RAB28: variants seen among roughly 807,000 people sequenced by gnomAD.
RAB28 encodes the protein RAB28, member RAS oncogene family, also known as ras-related protein Rab-28.
In RAB28, 24 loss-of-function variants were observed where a neutral mutation model predicts 31.7. The ratio of observed to expected loss-of-function variants is 0.76; its 90% CI spans 0.55 to 1.06. The LOEUF (loss-of-function observed/expected upper bound fraction) is 1.06, where lower values mean the gene tolerates loss of function less well. Ranked by LOEUF, RAB28 falls within the 50% of genes least tolerant of loss-of-function variation. The probability of loss-of-function intolerance (pLI) is 0.00; values close to 1 mark genes in which losing one functional copy is unlikely to be tolerated. For synonymous variants in RAB28, 100 were observed against 90.4 expected, an observed-to-expected ratio of 1.11 and a Z score of -0.60; for missense variants, 254 against 258.5, an observed-to-expected ratio of 0.98 and a Z score of 0.12.
At chr4:13,435,017 CAA>C (rs991889676) in intron 4 of RAB28, among the ~76,000 whole-genome samples, 4 of 47,040 alleles carry the variant, frequency 8.5e-5, no homozygotes, top group Non-Finnish European at 1.4e-4. Context: ...GACTCCGTCT[CAA>C]AAAAAAAAAA....
intron 4 of RAB28, among the ~76,000 whole-genome samples, chr4:13,452,638 G>T (rs1715033698): frequency 6.6e-6 from 1 of 151,980 alleles, no homozygotes; most frequent in Non-Finnish European, 1.5e-5. Flanking sequence ...TACTTGATAT[G>T]ATTTCAATTT....
At chr4:13,402,162 G>T (rs1329260077) in intron 4 of RAB28, among the ~76,000 whole-genome samples, 1 of 152,154 alleles carries the variant, frequency 6.6e-6, no homozygotes, top group East Asian at 1.9e-4. Context: ...GAAGAATATG[G>T]TCTATCTTGA....
At chr4:13,388,036 T>G (rs1729453415) in intron 4 of RAB28, among the ~76,000 whole-genome samples, 1 of 151,358 alleles carries the variant, frequency 6.6e-6, no homozygotes, top group Admixed American at 6.6e-5. Context: ...ATCACTATCA[T>G]TCAGTATTTT....
chr4:13,414,413 AAAG>A (rs1230493237), intron 4 of RAB28, among the ~76,000 whole-genome samples: 1 of 152,244 alleles, frequency 6.6e-6, no homozygotes, highest in Admixed American at 6.5e-5. Flanking sequence ...ACTGGGAATA[AAAG>A]AAGCAACACC....
intron 4 of RAB28, among the ~76,000 whole-genome samples, chr4:13,443,293 C>A (rs1207301062): frequency 1.3e-5 from 2 of 152,048 alleles, no homozygotes; most frequent in African/African-American, 4.8e-5. Flanking sequence ...CCTGCCTCAG[C>A]CTCCTGAGTA....
intron 3 of RAB28, among the ~76,000 whole-genome samples, chr4:13,467,386 T>G (rs1257803714): frequency 6.6e-6 from 1 of 151,418 alleles, no homozygotes; most frequent in African/African-American, 2.4e-5. Context: ...AAGGAAAAAA[T>G]GAAGATAACA....
At chr4:13,481,852 G>A (rs1716621784) in intron 1 of RAB28, among the ~76,000 whole-genome samples, 1 of 152,056 alleles carries the variant, frequency 6.6e-6, no homozygotes, top group Admixed American at 6.5e-5. Flanking sequence ...AAAGAGCCAA[G>A]AGTTAAATCA....
intron 4 of RAB28, among the ~76,000 whole-genome samples, chr4:13,387,748 T>A (rs944073230): frequency 5.9e-5 from 9 of 152,062 alleles, no homozygotes; most frequent in African/African-American, 9.7e-5. Context: ...ATTCTTCAAT[T>A]TCAAAAAAAA....
In RAB28 at chr4:13,474,424, A is replaced by T; in HGVS notation, c.173-18T>A. ...CAAGTTTCCTAGAATATAAAAAATG[A>T]ATATAAAAATAAGAATACCAAAAAA... On this transcript the variant is annotated intron_variant, in intron 2 of 6. Coordinates refer to ENST00000330852, the MANE Select transcript of RAB28 (RefSeq NM_001017979.3). 1 of 1,442,270 alleles carries T rather than the reference A, an allele frequency of 6.9e-7. No homozygotes were observed. The allele number at this position is 1,442,270 out of a possible 1,614,324, so 89.3% of individuals were successfully genotyped here.
At chr4:13,421,477 G>C in intron 4 of RAB28, among the ~76,000 whole-genome samples, 1 of 152,142 alleles carries the variant, frequency 6.6e-6, no homozygotes, top group Non-Finnish European at 1.5e-5. Flanking sequence ...AACAAAGCTG[G>C]AGGCATCATG....
Position 13,367,798 on chromosome 4 carries a change from C to G in RAB28, c.*760G>C, listed in dbSNP as rs1270849258. 1.0e-6 allele frequency: 1 copy of G among 984,904 alleles called. No individual in the cohort carries two copies. The highest frequency in any genetic ancestry group is 6.2e-5 in the Admixed American group (1 of 16,254). 61.0% of individuals were successfully genotyped at this position (984,904 alleles called of 1,614,324 possible). Reference sequence around the variant, plus strand: ...CAGTCTGATCCACAATGTCATAACTCATTCTCGGGAGTACTCTTATGCAGT... The same window carrying G: ...CAGTCTGATCCACAATGTCATAACTGATTCTCGGGAGTACTCTTATGCAGT... On this transcript the variant is annotated 3_prime_UTR_variant, in exon 7 of 7. Coordinates refer to ENST00000330852, the MANE Select transcript of RAB28 (RefSeq NM_001017979.3).
chr4:13,446,927 T>C (rs1714728162), intron 4 of RAB28, among the ~76,000 whole-genome samples: 1 of 152,134 alleles, frequency 6.6e-6, no homozygotes, highest in Non-Finnish European at 1.5e-5. Flanking sequence ...AACCAAACTT[T>C]TAATCCTTAC....
intron 6 of RAB28, among the ~76,000 whole-genome samples, chr4:13,375,661 A>T (rs1433325594): frequency 6.6e-6 from 1 of 152,138 alleles, no homozygotes; most frequent in Non-Finnish European, 1.5e-5. Context: ...TCTTTGAATG[A>T]TGGGAATTAA....
chr4:13,409,314 T>A (rs768739736), intron 4 of RAB28, among the ~76,000 whole-genome samples: 3 of 152,196 alleles, frequency 2.0e-5, no homozygotes, highest in Non-Finnish European at 4.4e-5. Context: ...GCCAAAAAGA[T>A]AAGTCTTAGG....
intron 6 of RAB28, chr4:13,370,578 T>C (rs1478625148): frequency 1.0e-6 from 1 of 965,548 alleles, no homozygotes; most frequent in Non-Finnish European, 1.2e-6. Flanking sequence ...AGTAATTAAT[T>C]ATCTTTGAAG....
At chr4:13,376,316 C>A (rs1278728722) in intron 6 of RAB28, among the ~76,000 whole-genome samples, 2 of 152,028 alleles carry the variant, frequency 1.3e-5, no homozygotes, top group Non-Finnish European at 2.9e-5. Context: ...ATACTAGTAT[C>A]TTTTTCCCAA....
intron 5 of RAB28, among the ~76,000 whole-genome samples, chr4:13,379,081 C>T (rs934085949): frequency 6.6e-6 from 1 of 151,760 alleles, no homozygotes; most frequent in Non-Finnish European, 1.5e-5. Flanking sequence ...GTGGTGGGTG[C>T]CTGTAATCCC....
At chr4:13,373,371 G>A (rs532455802) in intron 6 of RAB28, among the ~76,000 whole-genome samples, 2 of 152,226 alleles carry the variant, frequency 1.3e-5, no homozygotes, top group Admixed American at 1.3e-4. Flanking sequence ...AGTGGAGAAG[G>A]GGAAGACTAC....
chr4:13,445,201 T>C (rs1174477555), intron 4 of RAB28, among the ~76,000 whole-genome samples: 1 of 151,954 alleles, frequency 6.6e-6, no homozygotes, highest in African/African-American at 2.4e-5. Flanking sequence ...TTCACGAAGT[T>C]CTCATGCTGT....
Sources: allele counts gnomAD v4.1 joint callset (sites outside exome capture counted in the v4.1 genomes callset), GRCh38; gene constraint gnomAD v4.1.1; transcripts MANE v1.5; gene names NCBI Gene and HGNC (gene_info 2026-07-23, HGNC 2026-07-21).